The following CMTM7 variants were observed in gnomAD, a reference collection of about 807,000 sequenced individuals.
CMTM7 encodes the protein CKLF-like MARVEL transmembrane domain-containing protein 7.
A neutral mutation model predicts 19.3 loss-of-function variants in CMTM7; 7 were observed. That is an observed-to-expected ratio of 0.36 (90% CI 0.21 to 0.68). The LOEUF (loss-of-function observed/expected upper bound fraction) is 0.68. CMTM7 is among the 30% of genes least tolerant of loss of function. The probability of loss-of-function intolerance (pLI) is 0.60; values close to 1 mark genes in which losing one functional copy is unlikely to be tolerated. For synonymous variants in CMTM7, 87 were observed against 99.3 expected, an observed-to-expected ratio of 0.88 and a Z score of 0.74; for missense variants, 193 against 232.6, an observed-to-expected ratio of 0.83 and a Z score of 1.11.
At chr3:32,396,165 T>C (rs1379788494) in intron 1 of CMTM7, among the ~76,000 whole-genome samples, 1 of 152,136 alleles carries the variant, frequency 6.6e-6, no homozygotes, top group Non-Finnish European at 1.5e-5. Flanking sequence ...ACGTGACTGC[T>C]GTAAGGGGTA....
chr3:32,454,324 T>C lies in CMTM7; in HGVS notation c.*70T>C, dbSNP rs1696878702. 2 of 1,589,852 alleles carry C rather than the reference T, an allele frequency of 1.3e-6. No homozygotes were observed. Among genetic ancestry groups the C allele is most frequent in the Admixed American group, 1.7e-5 (1 of 59,558 alleles). ...GGACGTGTACTCCAGGCGAGGCCTC[T>C]GGACCTGTGTTCCTGTGCCAAAGTC... On this transcript the variant is annotated 3_prime_UTR_variant, in exon 5 of 5. Coordinates refer to ENST00000334983, the MANE Select transcript of CMTM7 (RefSeq NM_138410.4).
At chr3:32,430,052 T>C (rs566737393) in intron 1 of CMTM7, among the ~76,000 whole-genome samples, 5 of 152,356 alleles carry the variant, frequency 3.3e-5, no homozygotes, top group African/African-American at 1.2e-4. Flanking sequence ...TCCACTGCCA[T>C]GTTATTGTTT....
chr3:32,412,853 A>G (rs1246784131), intron 1 of CMTM7, among the ~76,000 whole-genome samples: 1 of 152,210 alleles, frequency 6.6e-6, no homozygotes, highest in Non-Finnish European at 1.5e-5. Context: ...AAAATTTAAT[A>G]TTTGGTAATG....
intron 1 of CMTM7, among the ~76,000 whole-genome samples, chr3:32,409,776 A>G (rs1696144770): frequency 6.6e-6 from 1 of 152,232 alleles, no homozygotes. Flanking sequence ...CATGTTTGGC[A>G]TAACTTGTCT....
At chr3:32,410,308 C>CG (rs1696152875) in intron 1 of CMTM7, among the ~76,000 whole-genome samples, 1 of 152,226 alleles carries the variant, frequency 6.6e-6, no homozygotes, top group African/African-American at 2.4e-5. Context: ...CAGGTCACCA[C>CG]GGAGTGTCCA....
chr3:32,447,721 A>G (rs1183463632), intron 2 of CMTM7, among the ~76,000 whole-genome samples: 1 of 151,582 alleles, frequency 6.6e-6, no homozygotes, highest in Non-Finnish European at 1.5e-5. Flanking sequence ...GTTCGATTCT[A>G]TTTTGTCTGA....
At chr3:32,395,955 A>T (rs1348677102) in intron 1 of CMTM7, among the ~76,000 whole-genome samples, 1 of 152,268 alleles carries the variant, frequency 6.6e-6, no homozygotes, top group Admixed American at 6.5e-5. Context: ...TTATTCAGTC[A>T]TAAAAAGGGA....
At chr3:32,423,670 G>A (rs911249262) in intron 1 of CMTM7, among the ~76,000 whole-genome samples, 6 of 152,230 alleles carry the variant, frequency 3.9e-5, no homozygotes, top group African/African-American at 1.2e-4. Context: ...CAGTGATGTA[G>A]TATGGAGGTG....
chr3:32,422,932 A>G (rs571568352), intron 1 of CMTM7, among the ~76,000 whole-genome samples: 1 of 152,236 alleles, frequency 6.6e-6, no homozygotes, highest in Non-Finnish European at 1.5e-5. Context: ...CTGAATGTAT[A>G]TCACTTCCAT....
Position 32,449,672 on chromosome 3 carries a change from A to G in CMTM7, c.432+120A>G, listed in dbSNP as rs1696802207. 5 of 768,320 alleles carry G rather than the reference A, an allele frequency of 6.5e-6. No homozygotes were observed. The highest frequency in any genetic ancestry group is 3.0e-5 in the South Asian group (2 of 67,754). 47.6% of individuals were successfully genotyped at this position (768,320 alleles called of 1,614,324 possible). A position where few individuals can be genotyped will look rare whatever the true frequency, so the allele number is the denominator to read the frequency against. On this transcript the variant is annotated intron_variant, in intron 3 of 4. Transcript: ENST00000334983. This position sits in a 1 kb window ranked among gnomAD's most constrained non-coding sequence, Gnocchi z 4.5. The stretch of plus-strand genomic sequence containing the variant: ...CATTCCCTTCATAGAATCAATACCT[A>G]CCTTGATCCAGCCATCAGCTCTCTC...
At chr3:32,418,195 C>T (rs1026714551) in intron 1 of CMTM7, among the ~76,000 whole-genome samples, 3 of 152,196 alleles carry the variant, frequency 2.0e-5, no homozygotes, top group African/African-American at 7.2e-5. Context: ...ATTTGCCATC[C>T]ACATAGCCTC....
intron 1 of CMTM7, among the ~76,000 whole-genome samples, chr3:32,422,642 C>T (rs1269655416): frequency 6.6e-6 from 1 of 152,192 alleles, no homozygotes; most frequent in Non-Finnish European, 1.5e-5. Flanking sequence ...CAGGAAAATT[C>T]TGAAAACAGA....
chr3:32,432,665 G>C (rs116669167), intron 1 of CMTM7, among the ~76,000 whole-genome samples: 95 of 152,338 alleles, frequency 6.2e-4, no homozygotes, highest in African/African-American at 2.2e-3. Context: ...ACAGTGAGGA[G>C]AGTAATAGTG....
Position 32,449,947 on chromosome 3 carries a change from A to G in CMTM7, c.432+395A>G, listed in dbSNP as rs538612881. 7.2e-5 allele frequency among the ~76,000 whole-genome samples: 11 copies of G among 152,336 alleles called. No individual in the cohort carries two copies. In the South Asian group the frequency reaches 2.1e-3, roughly 29 times the overall value. Reference sequence around the variant, plus strand: ...ATGTACTGTGATCAATTAGAGATACATGCCATGAGCCTGAGCTTTGCCATT... The same window carrying G: ...ATGTACTGTGATCAATTAGAGATACGTGCCATGAGCCTGAGCTTTGCCATT... On this transcript the variant is annotated intron_variant, in intron 3 of 4. Coordinates refer to ENST00000334983, the MANE Select transcript of CMTM7 (RefSeq NM_138410.4). The surrounding 1 kb of genome is among the most constrained non-coding windows in gnomAD (Gnocchi z 4.5).
At chr3:32,416,279 G>A (rs1276963852) in intron 1 of CMTM7, among the ~76,000 whole-genome samples, 1 of 151,326 alleles carries the variant, frequency 6.6e-6, no homozygotes, top group Non-Finnish European at 1.5e-5. Flanking sequence ...ACTCACTGCA[G>A]CCTCCACCTC....
chr3:32,445,778 A>C (rs962416219), intron 2 of CMTM7, among the ~76,000 whole-genome samples: 27 of 152,226 alleles, frequency 1.8e-4, no homozygotes, highest in African/African-American at 6.5e-4. Context: ...GGCCTCTGAA[A>C]GTGTGGCGAT....
chr3:32,410,876 G>A (rs1696163272), intron 1 of CMTM7, among the ~76,000 whole-genome samples: 1 of 152,238 alleles, frequency 6.6e-6, no homozygotes, highest in Admixed American at 6.5e-5. Context: ...TCTCAGGGCA[G>A]GGTTTCTAAT....
chr3:32,434,333 G>A (rs1035816881), intron 1 of CMTM7, among the ~76,000 whole-genome samples: 4 of 151,876 alleles, frequency 2.6e-5, no homozygotes, highest in Non-Finnish European at 5.9e-5. Flanking sequence ...TTCTCACTTC[G>A]TCACCCAGGC....
At chr3:32,445,215 T>C (rs893709497) in intron 2 of CMTM7, among the ~76,000 whole-genome samples, 2 of 152,230 alleles carry the variant, frequency 1.3e-5, no homozygotes, top group African/African-American at 4.8e-5. Flanking sequence ...TCTTGCCTTA[T>C]TGCAAGAAAT....
Sources: gnomAD v4.1 joint callset for allele counts (sites outside exome capture counted in the v4.1 genomes callset) on GRCh38, gnomAD v4.1.1 for gene constraint, Gnocchi (gnomAD v3.1) non-coding constraint, MANE v1.5 for transcripts, NCBI Gene and HGNC (gene_info 2026-07-23, HGNC 2026-07-21) for gene names.